SLC25A48: variants seen among roughly 807,000 people sequenced by gnomAD.
The protein encoded by SLC25A48 is CTC-321K16.1.
In SLC25A48, 29 loss-of-function variants were observed where a neutral mutation model predicts 32.2. The ratio of observed to expected loss-of-function variants is 0.90; its 90% CI spans 0.67 to 1.23. The LOEUF (loss-of-function observed/expected upper bound fraction) is 1.23, where lower values mean the gene tolerates loss of function less well. SLC25A48 is among the 50% of genes most tolerant of loss of function. SLC25A48 has a pLI of 0.00. For synonymous variants in SLC25A48, 164 were observed against 172.3 expected, an observed-to-expected ratio of 0.95 and a Z score of 0.38; for missense variants, 399 against 422.7, an observed-to-expected ratio of 0.94 and a Z score of 0.49.
At chr5:135,751,091 C>T (rs551526045) in intron 3 of SLC25A48, among the ~76,000 whole-genome samples, 41 of 152,280 alleles carry the variant, frequency 2.7e-4, no homozygotes, top group South Asian at 1.2e-3. Flanking sequence ...GCTGTAGATG[C>T]ATGAGTCCAG....
At chr5:135,797,929 T>A (rs1171148399) in intron 3 of SLC25A48, among the ~76,000 whole-genome samples, 1 of 151,924 alleles carries the variant, frequency 6.6e-6, no homozygotes, top group Admixed American at 6.6e-5. Flanking sequence ...TTACTCCCAA[T>A]ACCGCATGGG....
In SLC25A48 at chr5:135,727,209, T is replaced by A. The variant is rs752180363; in HGVS notation, c.-520-85314T>A. Among the ~76,000 whole-genome samples, 4 of 150,608 alleles carry A rather than the reference T, an allele frequency of 2.7e-5. No homozygotes were observed. The East Asian group carries it at 7.8e-4, about 29-fold the overall frequency. Reference sequence around the variant, plus strand: ...CTATATATATATATATATATACGTGTGTATAGTAAAAATAATATAGATATA... The same window carrying A: ...CTATATATATATATATATATACGTGAGTATAGTAAAAATAATATAGATATA... On this transcript the variant is annotated intron_variant, in intron 3 of 10. Coordinates refer to the SLC25A48 transcript ENST00000646290.
At chr5:135,860,626 T>C (rs1164983053) in intron 4 of SLC25A48, among the ~76,000 whole-genome samples, 2 of 152,204 alleles carry the variant, frequency 1.3e-5, no homozygotes, top group Admixed American at 6.5e-5. Context: ...CAGAACACCA[T>C]AGAGCCCAAG....
intron 3 of SLC25A48, among the ~76,000 whole-genome samples, chr5:135,810,145 G>A (rs1384126942): frequency 3.3e-5 from 5 of 152,094 alleles, no homozygotes; most frequent in African/African-American, 9.7e-5. Context: ...GCCTCAGATG[G>A]ACCATTTTGA....
chr5:135,798,907 G>A (rs1757252092), intron 3 of SLC25A48, among the ~76,000 whole-genome samples: 1 of 150,938 alleles, frequency 6.6e-6, no homozygotes, highest in African/African-American at 2.4e-5. Context: ...TGATATTGCT[G>A]TCAATATCCT....
intron 1 of SLC25A48, among the ~76,000 whole-genome samples, chr5:135,620,413 G>C (rs1752297294): frequency 6.6e-6 from 1 of 152,126 alleles, no homozygotes; most frequent in East Asian, 1.9e-4. Flanking sequence ...TGATCCCCAG[G>C]CTATAAGCAT....
intron 1 of SLC25A48, among the ~76,000 whole-genome samples, chr5:135,607,198 C>T (rs1353344654): frequency 6.6e-6 from 1 of 152,218 alleles, no homozygotes; most frequent in East Asian, 1.9e-4. Context: ...TTCTCCAGCC[C>T]CTTTCCTTCC....
chr5:135,672,607 G>T (rs2126943406), intron 3 of SLC25A48, among the ~76,000 whole-genome samples: 1 of 152,328 alleles, frequency 6.6e-6, no homozygotes, highest in Non-Finnish European at 1.5e-5. Context: ...TCACAGGAAA[G>T]TGTGGTTGGG....
intron 3 of SLC25A48, among the ~76,000 whole-genome samples, chr5:135,733,040 GC>G (rs907936185): frequency 6.6e-6 from 1 of 152,146 alleles, no homozygotes; most frequent in African/African-American, 2.4e-5. Context: ...ATTTCTTTCT[GC>G]CCATATAACA....
At chr5:135,626,156 G>A (rs546458918) in intron 1 of SLC25A48, among the ~76,000 whole-genome samples, 20 of 152,368 alleles carry the variant, frequency 1.3e-4, no homozygotes, top group African/African-American at 4.8e-4. Context: ...TGCATGGTCA[G>A]TCCTGCCTGC....
intron 3 of SLC25A48, among the ~76,000 whole-genome samples, chr5:135,738,655 C>A (rs997814473): frequency 6.6e-6 from 1 of 152,202 alleles, no homozygotes; most frequent in African/African-American, 2.4e-5. Context: ...GACGAGTGCT[C>A]CGGGATCATC....
At chr5:135,799,116 G>A (rs1757258456) in intron 3 of SLC25A48, among the ~76,000 whole-genome samples, 1 of 151,298 alleles carries the variant, frequency 6.6e-6, no homozygotes, top group South Asian at 2.1e-4. Flanking sequence ...GTACAGGGCG[G>A]GAGAGGATGA....
intron 1 of SLC25A48, among the ~76,000 whole-genome samples, chr5:135,607,284 A>T (rs1221095376): frequency 2.0e-5 from 3 of 152,226 alleles, no homozygotes; most frequent in African/African-American, 7.2e-5. Flanking sequence ...TTTAATGATG[A>T]CCTACTTATC....
chr5:135,780,128 T>G (rs1157101279), intron 3 of SLC25A48, among the ~76,000 whole-genome samples: 1 of 110,226 alleles, frequency 9.1e-6, no homozygotes, highest in Admixed American at 9.6e-5. Context: ...TCGCAGGTGG[T>G]GTAAACCGTG....
At chr5:135,711,262 C>T (rs897135775) in intron 3 of SLC25A48, among the ~76,000 whole-genome samples, 6 of 152,196 alleles carry the variant, frequency 3.9e-5, no homozygotes, top group African/African-American at 1.4e-4. Flanking sequence ...ATCACACAAG[C>T]AACATGCACT....
intron 2 of SLC25A48, among the ~76,000 whole-genome samples, chr5:135,850,130 C>T (rs1759725285): frequency 1.3e-5 from 2 of 152,126 alleles, no homozygotes; most frequent in Admixed American, 6.5e-5. Flanking sequence ...AGGGTAGAGT[C>T]CCAGTTTAGG....
At chr5:135,653,787 G>A (rs1753173903) in intron 3 of SLC25A48, 1 of 456,038 alleles carries the variant, frequency 2.2e-6, no homozygotes, top group African/African-American at 2.0e-5. Flanking sequence ...TCCATGATGG[G>A]TGGCCAGAGA....
intron 3 of SLC25A48, among the ~76,000 whole-genome samples, chr5:135,704,787 G>A (rs746072077): frequency 4.6e-5 from 7 of 152,294 alleles, no homozygotes; most frequent in Admixed American, 3.9e-4. Flanking sequence ...TTCAAATCCT[G>A]TACTGGCTGA....
intron 3 of SLC25A48, among the ~76,000 whole-genome samples, chr5:135,663,825 C>CA (rs112521004): frequency 4.2e-4 from 62 of 148,928 alleles, no homozygotes; most frequent in Admixed American, 6.7e-4. Context: ...TTTGGCCTCA[C>CA]AAAAAAAAAA....
Sources: allele counts gnomAD v4.1 joint callset (sites outside exome capture counted in the v4.1 genomes callset), GRCh38; gene constraint gnomAD v4.1.1; transcripts MANE v1.5; gene names NCBI Gene and HGNC (gene_info 2026-07-23, HGNC 2026-07-21).